Variants in RABAC1 observed in about 807,000 individuals in gnomAD.
The protein encoded by RABAC1 is prenylated Rab acceptor protein 1.
RABAC1 carries 16 observed loss-of-function variants against 22.9 expected under a neutral mutation model. The observed-to-expected ratio is 0.70, with a 90% confidence interval of 0.47 to 1.06. RABAC1 has a LOEUF of 1.06. RABAC1 is among the 50% of genes least tolerant of loss of function. RABAC1 has a pLI of 0.00. For synonymous variants in RABAC1, 139 were observed against 107.7 expected, an observed-to-expected ratio of 1.29 and a Z score of -1.80; for missense variants, 227 against 246.5, an observed-to-expected ratio of 0.92 and a Z score of 0.53.
In RABAC1 at chr19:41,956,741, T is replaced by C; in HGVS notation, c.*105A>G. Reference sequence around the variant, plus strand: ...CAAAGGCGGGATCCCTCCCCGGGCTTGTGATGGGACGGCGCTGTGGGCCCG... The same window carrying C: ...CAAAGGCGGGATCCCTCCCCGGGCTCGTGATGGGACGGCGCTGTGGGCCCG... On this transcript the variant is annotated 3_prime_UTR_variant, in exon 5 of 5. Transcript: ENST00000222008. 1 of 1,041,996 alleles carries C rather than the reference T, an allele frequency of 9.6e-7. No individual in the cohort carries two copies. The allele number at this position is 1,041,996 out of a possible 1,614,324, so 64.5% of individuals were successfully genotyped here.
At chr19:41,958,430 G>T (rs2074999862) in intron 2 of RABAC1, 47 bp from the exon 3 acceptor site, 3 of 1,556,090 alleles carry the variant, frequency 1.9e-6, no homozygotes, top group Non-Finnish European at 2.6e-6. Flanking sequence ...CTGGGGCTGG[G>T]CCAGCCCGAC....
chr19:41,958,975 GT>G (rs2075003293), intron 1 of RABAC1, 27 bp from the exon 2 acceptor site: 2 of 1,535,908 alleles, frequency 1.3e-6, no homozygotes, highest in East Asian at 4.8e-5. Context: ...CGGGTCAGTG[GT>G]GGACCGGGAT....
Position 41,956,753 on chromosome 19 carries a change from G to A in RABAC1, c.*93C>T. The A allele has an allele frequency of 8.4e-7, 1 of 1,191,118 alleles. No individual in the cohort carries two copies. The highest frequency in any genetic ancestry group is 1.2e-6 in the Non-Finnish European group (1 of 852,490). The allele number at this position is 1,191,118 out of a possible 1,614,324, so 73.8% of individuals were successfully genotyped here. A position where few individuals can be genotyped will look rare whatever the true frequency, so the allele number is the denominator to read the frequency against. On this transcript the variant is annotated 3_prime_UTR_variant, in exon 5 of 5. Coordinates refer to ENST00000222008, the MANE Select transcript of RABAC1 (RefSeq NM_006423.3). ...CCCTCCCCGGGCTTGTGATGGGACG[G>A]CGCTGTGGGCCCGAGCAGCAGAGCC...
Position 41,958,952 on chromosome 19 carries a change from C to CG in RABAC1, c.57-5dup, listed in dbSNP as rs781841589. 8 of 1,561,518 alleles carry CG rather than the reference C, an allele frequency of 5.1e-6. No individual in the cohort carries two copies. The highest frequency in any genetic ancestry group is 2.3e-5 in the South Asian group (2 of 86,660). ...AATCAGCTTCGGCAGCAGGGTCCTG[C>CG]GGGGGGTGGGGCCGGGTCAGTGGTG... On this transcript the variant is annotated splice_region_variant and splice_polypyrimidine_tract_variant and intron_variant, in intron 1 of 4. Transcript: ENST00000222008.
intron 3 of RABAC1, chr19:41,957,383 C>T (rs1555856864): frequency 8.0e-6 from 4 of 502,954 alleles, no homozygotes; most frequent in South Asian, 2.5e-5. Flanking sequence ...CCTGGGATCC[C>T]GGCTTCCTGC....
chr19:41,958,808 C>G lies in RABAC1; in HGVS notation c.197G>C (p.Arg66Pro). 1 of 1,611,918 alleles carries G rather than the reference C, an allele frequency of 6.2e-7. No individual in the cohort carries two copies. Among genetic ancestry groups the G allele is most frequent in the Non-Finnish European group, 8.5e-7 (1 of 1,179,846 alleles). The stretch of plus-strand genomic sequence containing the variant: ...GTAGTACTCCACGTTGCGTACGAGG[C>G]GCTGGCACAGCTCTCCCAGGTTGCG... ...RPRNLGELCQ[R>P]LVRNVEYYQS... Residue 66 changes from arginine (R) to proline (P), a missense_variant, in exon 2 of 5, where the codon CGC becomes CCC. Transcript: ENST00000222008.
At position 41,958,329 on chromosome 19, in the gene RABAC1, G is replaced by A. The variant is rs782614840; in HGVS notation, c.324C>T (p.Tyr108=). 2.0e-5 allele frequency: 32 copies of A among 1,613,492 alleles called. No homozygotes were observed. In the East Asian group the frequency reaches 3.8e-4, roughly 19 times the overall value. Residue 108 remains tyrosine, a synonymous_variant, in exon 3 of 5, where the codon TAC becomes TAT. Coordinates refer to ENST00000222008, the MANE Select transcript of RABAC1 (RefSeq NM_006423.3). ...VALAVFFGAC[Y]ILYLRTLESK... is the part of the protein sequence containing the mutation. ...ACTCCAAGGTGCGCAGATAGAGAATGTAACAGGCGCCGAAAAAGACAGCCA... is the reference window on the plus strand; with the variant it reads ...ACTCCAAGGTGCGCAGATAGAGAATATAACAGGCGCCGAAAAAGACAGCCA...
chr19:41,958,405 G>T, intron 2 of RABAC1, 22 bp from the exon 3 acceptor site: 1 of 1,601,994 alleles, frequency 6.2e-7, no homozygotes, highest in Non-Finnish European at 8.5e-7. Context: ...GTGCAGGGAG[G>T]CAGCGGTTAG....
At chr19:41,956,961 C>T in intron 4 of RABAC1, 27 bp from the exon 5 acceptor site, 7 of 1,612,274 alleles carry the variant, frequency 4.3e-6, no homozygotes, top group Non-Finnish European at 5.9e-6. Context: ...AGCTCAGGGC[C>T]ACACTCCTGC....
At chr19:41,958,628 TG>T in intron 2 of RABAC1, 107 bp downstream of exon 2, 1 of 1,247,670 alleles carries the variant, frequency 8.0e-7, no homozygotes, top group Non-Finnish European at 1.1e-6. Context: ...AAGAGGGCCC[TG>T]GGCGGTGAGA....
intron 1 of RABAC1, 51 bp downstream of exon 1, chr19:41,959,186 G>T: frequency 6.2e-7 from 1 of 1,609,914 alleles, no homozygotes; most frequent in Non-Finnish European, 8.5e-7. Flanking sequence ...GGGGGCCGGG[G>T]GCCCGGACTC....
rs782358038 is a variant in RABAC1, at chr19:41,958,275, G to A, written c.367+11C>T. ...GGGACCAAGGATTCATCTGGGCAGG[G>A]GGTTTCTCACCAAAGAGCACAAGCT... On this transcript the variant is annotated intron_variant, in intron 3 of 4. Coordinates refer to ENST00000222008, the MANE Select transcript of RABAC1 (RefSeq NM_006423.3). The A allele has an allele frequency of 1.9e-6, 3 of 1,604,154 alleles. No individual in the cohort carries two copies. The highest frequency in any genetic ancestry group is 1.7e-5 in the Admixed American group (1 of 59,240).
chr19:41,958,424 G>A lies in RABAC1; in HGVS notation c.270-41C>T, dbSNP rs201318541. Reference sequence around the variant, plus strand: ...AGGGAGGCAGCGGTTAGACAGCTGGGGCTGGGCCAGCCCGACGGCCCTGGC... The same window carrying A: ...AGGGAGGCAGCGGTTAGACAGCTGGAGCTGGGCCAGCCCGACGGCCCTGGC... On this transcript the variant is annotated intron_variant, in intron 2 of 4. Transcript: ENST00000222008. 11 of 1,571,650 alleles carry A rather than the reference G, an allele frequency of 7.0e-6. No individual in the cohort carries two copies. The East Asian group carries it at 2.3e-4, about 32-fold the overall frequency.
chr19:41,958,784 T>C lies in RABAC1; in HGVS notation c.221A>G (p.Tyr74Cys). The stretch of plus-strand genomic sequence containing the variant: ...GAACACGAACACATAGTTGCTCTGG[T>C]AGTACTCCACGTTGCGTACGAGGCG... ...CQRLVRNVEY[Y>C]QSNYVFVFLG... is the part of the protein sequence containing the mutation. Residue 74 changes from tyrosine (Y) to cysteine (C), a missense_variant, in exon 2 of 5, where the codon TAC becomes TGC. Physicochemically the swap from Tyr to Cys is radical, Grantham distance 194. Coordinates refer to ENST00000222008, the MANE Select transcript of RABAC1 (RefSeq NM_006423.3). The C allele has an allele frequency of 6.2e-7, 1 of 1,612,952 alleles. No homozygotes were observed. Among genetic ancestry groups the C allele is most frequent in the Non-Finnish European group, 8.5e-7 (1 of 1,179,840 alleles).
rs775494299 is a variant in RABAC1 at position 41,957,043 on chromosome 19, C to T, written c.444G>A (p.Ala148=). Residue 148 remains alanine, a synonymous_variant, in exon 4 of 5, where the codon GCG becomes GCA. Coordinates refer to ENST00000222008, the MANE Select transcript of RABAC1 (RefSeq NM_006423.3). The stretch of plus-strand genomic sequence containing the variant: ...CCAGCACCCAGAAGACGGCCGAGCC[C>T]GCACCAGCCAGCCAGAAGAAGGGGA... The part of the protein sequence containing the change: ...ISFPFFWLAG[A]GSAVFWVLGA... The T allele has an allele frequency of 1.7e-4, 276 of 1,613,820 alleles. 1 individual carries two copies. The highest frequency in any genetic ancestry group is 2.3e-4 in the Non-Finnish European group (268 of 1,179,996).
chr19:41,957,869 A>G (rs1225686044), intron 3 of RABAC1: 1 of 169,642 alleles, frequency 5.9e-6, no homozygotes, highest in South Asian at 1.2e-4. Flanking sequence ...CTAAGTTCCA[A>G]GTTCTTTCTG....
At chr19:41,958,164 A>G (rs1417914251) in intron 3 of RABAC1, 122 bp downstream of exon 3, 5 of 845,368 alleles carry the variant, frequency 5.9e-6, no homozygotes, top group Non-Finnish European at 9.6e-6. Context: ...GATCTAGTGT[A>G]CATCTAGGCT....
chr19:41,959,135 C>T (rs1888848548), intron 1 of RABAC1, 102 bp downstream of exon 1: 1 of 1,520,206 alleles, frequency 6.6e-7, no homozygotes, highest in Admixed American at 1.9e-5. Flanking sequence ...ACTTCTGCGG[C>T]TCGGGGCTGG....
rs2074991340 is a variant in RABAC1 at position 41,956,765 on chromosome 19, C to G, written c.*81G>C. ...TTGTGATGGGACGGCGCTGTGGGCC[C>G]GAGCAGCAGAGCCGTGCAGGACAGG... is the stretch of plus-strand genomic sequence containing the variant. On this transcript the variant is annotated 3_prime_UTR_variant, in exon 5 of 5. Transcript: ENST00000222008. 1.5e-6 allele frequency: 2 copies of G among 1,330,864 alleles called. No individual in the cohort carries two copies. Among genetic ancestry groups the G allele is most frequent in the Non-Finnish European group, 1.0e-6 (1 of 973,330 alleles). The allele number at this position is 1,330,864 out of a possible 1,614,324, so 82.4% of individuals were successfully genotyped here. A position where few individuals can be genotyped will look rare whatever the true frequency, so the allele number is the denominator to read the frequency against.
Sources: allele counts gnomAD v4.1 joint callset, GRCh38; gene constraint gnomAD v4.1.1; transcripts MANE v1.5; gene names NCBI Gene and HGNC (gene_info 2026-07-23, HGNC 2026-07-21).